Variants in TMEM232 observed in about 807,000 individuals in gnomAD.
TMEM232 encodes transmembrane protein 232.
A neutral mutation model predicts 78.8 loss-of-function variants in TMEM232; 80 were observed. The ratio of observed to expected loss-of-function variants is 1.01; its 90% CI spans 0.85 to 1.22. The LOEUF (loss-of-function observed/expected upper bound fraction) is 1.22, where lower values mean the gene tolerates loss of function less well. TMEM232 is among the 50% of genes most tolerant of loss of function. The pLI is 0.00. For missense variants in TMEM232, 881 were observed against 742.2 expected (o/e 1.19, Z -2.17); for synonymous variants, 297 against 254.3 (o/e 1.17, Z -1.60).
At chr5:110,648,663 C>A (rs1281945925) in intron 2 of TMEM232, among the ~76,000 whole-genome samples, 1 of 151,998 alleles carries the variant, frequency 6.6e-6, no homozygotes, top group Non-Finnish European at 1.5e-5. Flanking sequence ...ACTGGGACCA[C>A]CGCTTATGGT....
At chr5:110,504,867 T>A (rs1023347615) in intron 12 of TMEM232, among the ~76,000 whole-genome samples, 3 of 152,238 alleles carry the variant, frequency 2.0e-5, no homozygotes, top group Non-Finnish European at 4.4e-5. Flanking sequence ...GACCAAATAC[T>A]TGTATGCCCT....
At chr5:110,620,622 TCTCTCTCTCTCTCTCTCCTCTCTCC>T (rs1259892007) in intron 7 of TMEM232, among the ~76,000 whole-genome samples, 7 of 114,340 alleles carry the variant, frequency 6.1e-5, no homozygotes, top group African/African-American at 2.7e-4. Context: ...TCTCTCTCTC[TCTCTCTCTCTCTCTCTCCTCTCTCC>T]TCTCTCTCTC....
chr5:110,504,971 C>CA (rs1315118974), intron 12 of TMEM232, among the ~76,000 whole-genome samples: 1 of 152,268 alleles, frequency 6.6e-6, no homozygotes, highest in East Asian at 1.9e-4. Context: ...TATTTTTCCT[C>CA]AAAAAAATTA....
intron 8 of TMEM232, among the ~76,000 whole-genome samples, chr5:110,606,599 A>C (rs1781571192): frequency 6.6e-6 from 1 of 152,090 alleles, no homozygotes; most frequent in Non-Finnish European, 1.5e-5. Context: ...GAGTACCCCC[A>C]AAAACTCACA....
chr5:110,679,721 C>T (rs1394894774), intron 1 of TMEM232, among the ~76,000 whole-genome samples: 1 of 146,720 alleles, frequency 6.8e-6, no homozygotes. Context: ...ATATTTATCT[C>T]CATATTAATT....
chr5:110,713,631 A>C (rs978872029), intron 1 of TMEM232, among the ~76,000 whole-genome samples: 1 of 152,188 alleles, frequency 6.6e-6, no homozygotes, highest in African/African-American at 2.4e-5. Context: ...AAGTGACCCA[A>C]GATGTCTGCT....
At chr5:110,697,734 C>CA (rs1235369766) in intron 1 of TMEM232, among the ~76,000 whole-genome samples, 12 of 152,260 alleles carry the variant, frequency 7.9e-5, no homozygotes, top group Admixed American at 4.6e-4. Flanking sequence ...AATGCAAATT[C>CA]AAACCGCAAT....
At chr5:110,692,728 T>C (rs566414131) in intron 1 of TMEM232, among the ~76,000 whole-genome samples, 1 of 152,232 alleles carries the variant, frequency 6.6e-6, no homozygotes, top group East Asian at 1.9e-4. Flanking sequence ...GAGATCAAAC[T>C]GCAAGGCAGC....
chr5:110,678,628 TAC>T (rs1054746988), intron 1 of TMEM232, among the ~76,000 whole-genome samples: 34 of 152,114 alleles, frequency 2.2e-4, no homozygotes, highest in African/African-American at 8.0e-4. Context: ...TATAGTATCA[TAC>T]AGAGTGTTTT....
intron 1 of TMEM232, among the ~76,000 whole-genome samples, chr5:110,693,131 G>A (rs936818751): frequency 6.6e-6 from 1 of 152,182 alleles, no homozygotes; most frequent in Non-Finnish European, 1.5e-5. Context: ...TCAGGCAGCA[G>A]CATTTGCGGT....
intron 10 of TMEM232, among the ~76,000 whole-genome samples, chr5:110,594,663 C>T (rs1163446115): frequency 6.6e-6 from 1 of 152,174 alleles, no homozygotes; most frequent in Non-Finnish European, 1.5e-5. Flanking sequence ...AGGCAGTTTT[C>T]CCCTCACAGT....
chr5:110,587,479 TTTG>T (rs1304028454), intron 10 of TMEM232, among the ~76,000 whole-genome samples: 1 of 151,878 alleles, frequency 6.6e-6, no homozygotes, highest in East Asian at 1.9e-4. Flanking sequence ...GTTATGTTAG[TTTG>T]TTGTGCACAA....
chr5:110,530,079 A>G (rs913858220), intron 11 of TMEM232, among the ~76,000 whole-genome samples: 1 of 152,216 alleles, frequency 6.6e-6, no homozygotes, highest in African/African-American at 2.4e-5. Flanking sequence ...CTGTACATGA[A>G]CATCTAACTT....
intron 11 of TMEM232, among the ~76,000 whole-genome samples, chr5:110,530,925 A>T (rs1771367083): frequency 6.6e-6 from 1 of 152,180 alleles, no homozygotes; most frequent in Non-Finnish European, 1.5e-5. Context: ...ACCATTTCAC[A>T]ATGTATGTAT....
chr5:110,709,588 A>G (rs1796267000), intron 1 of TMEM232, among the ~76,000 whole-genome samples: 1 of 152,136 alleles, frequency 6.6e-6, no homozygotes, highest in Non-Finnish European at 1.5e-5. Context: ...GGAATTTTGG[A>G]AACTATACAA....
intron 1 of TMEM232, among the ~76,000 whole-genome samples, chr5:110,721,396 A>G (rs553421498): frequency 6.6e-6 from 1 of 151,872 alleles, no homozygotes; most frequent in Admixed American, 6.6e-5. Context: ...ACATCTAGAA[A>G]TGCATGGATG....
intron 12 of TMEM232, among the ~76,000 whole-genome samples, chr5:110,471,554 A>T (rs574329817): frequency 1.3e-5 from 2 of 152,122 alleles, no homozygotes; most frequent in South Asian, 2.1e-4. Flanking sequence ...GATATCAGTG[A>T]ACTTCACAGC....
rs766761530 is a variant in TMEM232 at position 110,625,251 on chromosome 5, A to G, written c.768+16T>C. The G allele has an allele frequency of 5.3e-6, 8 of 1,510,822 alleles. No individual in the cohort carries two copies. Among genetic ancestry groups the G allele is most frequent in the Admixed American group, 2.2e-5 (1 of 45,986 alleles). 93.6% of individuals were successfully genotyped at this position (1,510,822 alleles called of 1,614,324 possible). A position where few individuals can be genotyped will look rare whatever the true frequency, so the allele number is the denominator to read the frequency against. The stretch of plus-strand genomic sequence containing the variant: ...CATCAGGCAACAGGATATACCCACC[A>G]TACCAGATTACTCACCATATCAGAA... On this transcript the variant is annotated intron_variant, in intron 7 of 13. Coordinates refer to ENST00000455884, the MANE Select transcript of TMEM232 (RefSeq NM_001039763.4).
intron 12 of TMEM232, among the ~76,000 whole-genome samples, chr5:110,516,222 G>C (rs6594455): frequency 0.14 from 21,882 of 151,916 alleles, 1,871 homozygotes; most frequent in African/African-American, 0.24. Context: ...CTGGGCAACA[G>C]AGGAAGACTC....
Sources: allele counts gnomAD v4.1 joint callset (sites outside exome capture counted in the v4.1 genomes callset), GRCh38; gene constraint gnomAD v4.1.1; transcripts MANE v1.5; gene names NCBI Gene and HGNC (gene_info 2026-07-23, HGNC 2026-07-21).